CCSER1: variants seen among roughly 807,000 people sequenced by gnomAD.
CCSER1 encodes serine-rich coiled-coil domain-containing protein 1.
CCSER1 carries 41 observed loss-of-function variants against 82.0 expected under a neutral mutation model. The observed-to-expected ratio is 0.50, with a 90% CI of 0.39 to 0.65. The LOEUF is 0.65. CCSER1 is among the 30% of genes least tolerant of loss of function. The pLI, the probability that CCSER1 is intolerant of heterozygous loss-of-function variation, is 0.00. For missense variants in CCSER1, 1,119 were observed against 1,064.2 expected, an observed-to-expected ratio of 1.05 and a Z score of -0.72; for synonymous variants, 414 against 383.9, an observed-to-expected ratio of 1.08 and a Z score of -0.92.
At chr4:90,876,503 A>G (rs1344658086) in intron 8 of CCSER1, among the ~76,000 whole-genome samples, 2 of 152,130 alleles carry the variant, frequency 1.3e-5, no homozygotes, top group Non-Finnish European at 2.9e-5. Flanking sequence ...GCTTTTCCGT[A>G]TTTGTCATAA....
chr4:90,167,902 CTT>C (rs1176496494), intron 1 of CCSER1, among the ~76,000 whole-genome samples: 10 of 152,162 alleles, frequency 6.6e-5, no homozygotes, highest in Admixed American at 5.9e-4. Context: ...GGTTCCAAGT[CTT>C]TGCTATTGTG....
intron 8 of CCSER1, among the ~76,000 whole-genome samples, chr4:90,893,762 TGTGTGTGTGTGTGC>T (rs1278084561): frequency 4.8e-5 from 6 of 125,200 alleles, no homozygotes; most frequent in African/African-American, 1.9e-4. Flanking sequence ...TTCTTGTGTG[TGTGTGTGTGTGTGC>T]GTGTGTGTGT....
chr4:91,508,589 G>A (rs923801382), intron 10 of CCSER1, among the ~76,000 whole-genome samples: 2 of 150,002 alleles, frequency 1.3e-5, no homozygotes, highest in African/African-American at 4.9e-5. Context: ...GAAGTCTTTG[G>A]TTTAGGTATC....
At chr4:91,297,397 G>GTA (rs1395639277) in intron 10 of CCSER1, among the ~76,000 whole-genome samples, 1 of 149,130 alleles carries the variant, frequency 6.7e-6, no homozygotes, top group African/African-American at 2.4e-5. Context: ...GTGTGTGTGT[G>GTA]TGTGTGTGTG....
chr4:91,385,135 T>A (rs1257505805), intron 10 of CCSER1, among the ~76,000 whole-genome samples: 1 of 152,042 alleles, frequency 6.6e-6, no homozygotes, highest in Non-Finnish European at 1.5e-5. Context: ...GGTTATTCAT[T>A]GAAAAATGAT....
intron 10 of CCSER1, among the ~76,000 whole-genome samples, chr4:91,316,671 C>T (rs1745856281): frequency 6.6e-6 from 1 of 151,972 alleles, no homozygotes; most frequent in Non-Finnish European, 1.5e-5. Context: ...GAAAAAGCCA[C>T]CACCATCTCT....
At chr4:91,281,783 G>A (rs544931131) in intron 10 of CCSER1, among the ~76,000 whole-genome samples, 26 of 152,152 alleles carry the variant, frequency 1.7e-4, no homozygotes. Flanking sequence ...CTTTCTCATA[G>A]TTTACATTTT....
intron 9 of CCSER1, among the ~76,000 whole-genome samples, chr4:91,003,633 G>C (rs1278820227): frequency 6.6e-6 from 1 of 152,098 alleles, no homozygotes; most frequent in Non-Finnish European, 1.5e-5. Context: ...ACTTGTCCCA[G>C]ACTACCTGCC....
At chr4:91,504,645 CTA>C (rs1165172598) in intron 10 of CCSER1, among the ~76,000 whole-genome samples, 2 of 151,860 alleles carry the variant, frequency 1.3e-5, no homozygotes, top group Admixed American at 1.3e-4. Context: ...AATTGCAAAA[CTA>C]TCATAATTTT....
chr4:90,428,172 A>G (rs1757790233), intron 4 of CCSER1, among the ~76,000 whole-genome samples: 1 of 151,940 alleles, frequency 6.6e-6, no homozygotes, highest in African/African-American at 2.4e-5. Context: ...TTTATTATGC[A>G]GAATTTTAAA....
chr4:90,792,970 T>G (rs1481219086), intron 7 of CCSER1, among the ~76,000 whole-genome samples: 2 of 152,036 alleles, frequency 1.3e-5, no homozygotes, highest in Non-Finnish European at 2.9e-5. Flanking sequence ...TTTCAGCTGA[T>G]AAAGAAGGGG....
chr4:91,096,426 C>A lies in CCSER1; in HGVS notation c.2217+10432C>A, dbSNP rs1028143693. Among the ~76,000 whole-genome samples, 130 of 152,308 alleles carry A rather than the reference C, an allele frequency of 8.5e-4. 2 individuals carry two copies. The highest frequency in any genetic ancestry group is 3.0e-3 in the African/African-American group (123 of 41,560). On this transcript the variant is annotated intron_variant, in intron 10 of 10. Coordinates refer to ENST00000509176, the MANE Select transcript of CCSER1 (RefSeq NM_001145065.2). ...CAGGTGGAGTGAGAACTTTCCTTAA[C>A]TAACTGTCCCTTTGCTACTAGTACT...
In CCSER1 at chr4:90,309,352, T is replaced by A. The variant is rs1734885808; in HGVS notation, c.1068T>A (p.Pro356=). 1.2e-6 allele frequency: 2 copies of A among 1,613,744 alleles called. No individual in the cohort carries two copies. Among genetic ancestry groups the A allele is most frequent in the African/African-American group, 2.7e-5 (2 of 74,922 alleles). ...KEVLLQIAEL[P]ATSVSHSESN... ...TGTTATTACAAATTGCTGAACTACC[T>A]GCTACAAGTGTGAGCCACTCAGAGA... The change falls in exon 2 of 11, where the codon CCT becomes CCA. Residue 356 remains proline, a synonymous_variant. Transcript: ENST00000509176.
At chr4:90,646,233 C>G (rs1308912998) in intron 6 of CCSER1, among the ~76,000 whole-genome samples, 2 of 152,024 alleles carry the variant, frequency 1.3e-5, no homozygotes, top group Non-Finnish European at 2.9e-5. Flanking sequence ...GAAAAATAAT[C>G]ATACTATATA....
At chr4:91,166,654 T>C (rs1472059909) in intron 10 of CCSER1, among the ~76,000 whole-genome samples, 1 of 152,210 alleles carries the variant, frequency 6.6e-6, no homozygotes, top group Non-Finnish European at 1.5e-5. Flanking sequence ...TTTTCCTCTC[T>C]TTATTTTGTG....
intron 10 of CCSER1, among the ~76,000 whole-genome samples, chr4:91,580,236 C>A (rs1763664159): frequency 6.6e-6 from 1 of 151,686 alleles, no homozygotes; most frequent in African/African-American, 2.4e-5. Context: ...TGGAAATTTT[C>A]TTTTGGTGAC....
At chr4:91,207,241 G>A (rs763186059) in intron 10 of CCSER1, among the ~76,000 whole-genome samples, 4 of 151,816 alleles carry the variant, frequency 2.6e-5, no homozygotes, top group Non-Finnish European at 4.4e-5. Flanking sequence ...ATGTTCAGGT[G>A]TACATGTGCA....
At chr4:90,839,796 G>A (rs1202074098) in intron 8 of CCSER1, among the ~76,000 whole-genome samples, 1 of 152,132 alleles carries the variant, frequency 6.6e-6, no homozygotes, top group Non-Finnish European at 1.5e-5. Context: ...TTCTAAAAGG[G>A]TAGAAGTTCA....
chr4:90,244,302 A>G (rs1260669394), intron 1 of CCSER1, among the ~76,000 whole-genome samples: 1 of 152,196 alleles, frequency 6.6e-6, no homozygotes, highest in East Asian at 1.9e-4. Context: ...GTCTGTTTTA[A>G]TAGGCAAATT....
Sources: gnomAD v4.1 joint callset for allele counts (sites outside exome capture counted in the v4.1 genomes callset) on GRCh38, gnomAD v4.1.1 for gene constraint, MANE v1.5 for transcripts, NCBI Gene and HGNC (gene_info 2026-07-23, HGNC 2026-07-21) for gene names.